EARS2: variants seen among roughly 807,000 people sequenced by gnomAD.
EARS2 encodes nondiscriminating glutamyl-tRNA synthetase EARS2, mitochondrial.
Under a neutral mutation model 54.1 loss-of-function variants are expected in EARS2, and 50 were observed. The observed-to-expected ratio is 0.92, with a 90% CI of 0.74 to 1.17. The LOEUF (loss-of-function observed/expected upper bound fraction) is 1.17. Ranked by LOEUF, EARS2 falls within the 50% of genes most tolerant of loss-of-function variation. EARS2 has a pLI of 0.00. For synonymous variants in EARS2, 298 were observed against 281.0 expected (o/e 1.06, Z -0.61); for missense variants, 673 against 675.0 (o/e 1.00, Z 0.03).
At position 23,521,889 on chromosome 16, in the gene EARS2, T is replaced by C; in HGVS notation, c.*2482A>G. On this transcript the variant is annotated 3_prime_UTR_variant, in exon 9 of 9. Transcript: ENST00000449606. Reference sequence around the variant, plus strand: ...GTAGATCAGAGTTAAGCTTGGACTCTGGATCGGCACAGATCTGAGTTTAAA... The same window carrying C: ...GTAGATCAGAGTTAAGCTTGGACTCCGGATCGGCACAGATCTGAGTTTAAA... 2.2e-6 allele frequency: 1 copy of C among 455,842 alleles called. No homozygotes were observed. Among genetic ancestry groups the C allele is most frequent in the South Asian group, 1.5e-5 (1 of 64,550 alleles). 28.2% of individuals were successfully genotyped at this position (455,842 alleles called of 1,614,324 possible).
chr16:23,542,318 T>TTTC (rs947993613), intron 3 of EARS2, among the ~76,000 whole-genome samples: 14 of 84,246 alleles, frequency 1.7e-4, no homozygotes, highest in East Asian at 4.3e-4. Flanking sequence ...TCATTTTTCT[T>TTTC]TTTTTTTTTT....
intron 1 of EARS2, among the ~76,000 whole-genome samples, chr16:23,555,716 T>C (rs1037890936): frequency 6.6e-6 from 1 of 152,104 alleles, no homozygotes; most frequent in Non-Finnish European, 1.5e-5. Context: ...TGAGATGGAG[T>C]CTCACTCTGT....
chr16:23,549,886 T>C (rs1204538117), intron 2 of EARS2, among the ~76,000 whole-genome samples: 1 of 152,206 alleles, frequency 6.6e-6, no homozygotes, highest in Non-Finnish European at 1.5e-5. Flanking sequence ...CTATTCTTTT[T>C]GCTTTGAACA....
At chr16:23,528,875 C>T (rs962523210) in intron 7 of EARS2, among the ~76,000 whole-genome samples, 6 of 152,238 alleles carry the variant, frequency 3.9e-5, no homozygotes, top group Admixed American at 1.3e-4. Context: ...CCACAAAGGA[C>T]ATGCGCTGTC....
At position 23,521,991 on chromosome 16, in the gene EARS2, GAA is replaced by G; in HGVS notation, c.*2378_*2379del. The G allele has an allele frequency of 3.4e-6, 1 of 294,060 alleles. No homozygotes were observed. Among genetic ancestry groups the G allele is most frequent in the Non-Finnish European group, 6.8e-6 (1 of 146,582 alleles). 18.2% of individuals were successfully genotyped at this position (294,060 alleles called of 1,614,324 possible). A position where few individuals can be genotyped will look rare whatever the true frequency, so the allele number is the denominator to read the frequency against. ...AACCTCGGTTTCCATATCTGTAACA[GAA>G]AAAAAAAATACTGCTTCTCTCATAG... On this transcript the variant is annotated 3_prime_UTR_variant, in exon 9 of 9. Transcript: ENST00000449606.
At chr16:23,542,909 G>A (rs956339211) in intron 3 of EARS2, among the ~76,000 whole-genome samples, 1 of 151,922 alleles carries the variant, frequency 6.6e-6, no homozygotes, top group Non-Finnish European at 1.5e-5. Context: ...GAGTTCAGGA[G>A]TTTGAGAACA....
At chr16:23,537,125 CA>C in intron 3 of EARS2, 2 of 240,560 alleles carry the variant, frequency 8.3e-6, no homozygotes, top group Non-Finnish European at 1.8e-5. Flanking sequence ...GTGAGTTTGA[CA>C]AAAAGTTAAA....
At chr16:23,537,099 G>T in intron 3 of EARS2, 1 of 266,488 alleles carries the variant, frequency 3.8e-6, no homozygotes, top group Non-Finnish European at 8.2e-6. Flanking sequence ...AAGCTCTTCT[G>T]GCAGGAATTC....
intron 8 of EARS2, 127 bp from the exon 9 acceptor site, chr16:23,524,581 G>C: frequency 1.3e-6 from 1 of 772,722 alleles, no homozygotes; most frequent in Non-Finnish European, 2.2e-6. Context: ...CTGAGGATCA[G>C]TGCTTGTGTT....
chr16:23,536,682 CTTTTTTT>C (rs953231916), intron 3 of EARS2, among the ~76,000 whole-genome samples: 11 of 113,490 alleles, frequency 9.7e-5, no homozygotes, highest in Non-Finnish European at 1.3e-4. Flanking sequence ...CTTTTTTTTT[CTTTTTTT>C]TTTTTTTTTT....
intron 3 of EARS2, among the ~76,000 whole-genome samples, chr16:23,536,267 G>T (rs768946206): frequency 2.6e-5 from 4 of 152,154 alleles, no homozygotes; most frequent in Non-Finnish European, 5.9e-5. Flanking sequence ...TGGAATGCTT[G>T]TAAGGTTAGT....
intron 7 of EARS2, 32 bp downstream of exon 7, chr16:23,529,470 T>A (rs1965284641): frequency 6.2e-7 from 1 of 1,606,386 alleles, no homozygotes; most frequent in Admixed American, 1.7e-5. Flanking sequence ...AAGGAGGGTG[T>A]GGAACCCTGA....
chr16:23,535,872 G>C (rs545644915), intron 3 of EARS2, among the ~76,000 whole-genome samples: 13 of 152,342 alleles, frequency 8.5e-5, no homozygotes, highest in African/African-American at 3.1e-4. Context: ...TGTCCTGTAA[G>C]GGGAGCATGC....
chr16:23,551,844 CG>C (rs1439868788), intron 2 of EARS2, among the ~76,000 whole-genome samples: 1 of 152,104 alleles, frequency 6.6e-6, no homozygotes, highest in African/African-American at 2.4e-5. Context: ...GGCGTGAACC[CG>C]GAAGGCGGAG....
chr16:23,550,433 G>A (rs1489597896), intron 2 of EARS2, among the ~76,000 whole-genome samples: 1 of 108,030 alleles, frequency 9.3e-6, no homozygotes, highest in African/African-American at 3.4e-5. Flanking sequence ...TAAGCACATG[G>A]TCTTTTTTTT....
rs1159848265 is a variant in EARS2, at chr16:23,523,331, C to G, written c.*1040G>C. 1 of 152,080 alleles carries G rather than the reference C, an allele frequency of 6.6e-6. No individual in the cohort carries two copies. Among genetic ancestry groups the G allele is most frequent in the African/African-American group, 2.4e-5 (1 of 41,398 alleles). 9.4% of individuals were successfully genotyped at this position (152,080 alleles called of 1,614,324 possible). A position where few individuals can be genotyped will look rare whatever the true frequency, so the allele number is the denominator to read the frequency against. Reference sequence around the variant, plus strand: ...CCAGCAGAGATGATGACTTATAAGTCATGGAGGAAGGACGAGGTGGATTTG... The same window carrying G: ...CCAGCAGAGATGATGACTTATAAGTGATGGAGGAAGGACGAGGTGGATTTG... On this transcript the variant is annotated 3_prime_UTR_variant, in exon 9 of 9. Coordinates refer to ENST00000449606, the MANE Select transcript of EARS2 (RefSeq NM_001083614.2).
intron 7 of EARS2, 136 bp from the exon 8 acceptor site, chr16:23,525,515 A>G: frequency 9.6e-7 from 1 of 1,037,122 alleles, no homozygotes; most frequent in Non-Finnish European, 1.4e-6. Context: ...GAGGGAGGTG[A>G]GGAAGATATT....
chr16:23,557,000 C>T, intron 1 of EARS2: 1 of 816,092 alleles, frequency 1.2e-6, no homozygotes, highest in Non-Finnish European at 2.0e-6. Context: ...TGGGATGGCA[C>T]AAAAAACACA....
intron 5 of EARS2, among the ~76,000 whole-genome samples, chr16:23,530,961 G>A (rs1035997877): frequency 1.6e-4 from 24 of 151,454 alleles, no homozygotes; most frequent in African/African-American, 4.6e-4. Context: ...GTGTGATTTC[G>A]GCTCACTGCA....
Sources: allele counts gnomAD v4.1 joint callset (sites outside exome capture counted in the v4.1 genomes callset), GRCh38; gene constraint gnomAD v4.1.1; transcripts MANE v1.5; gene names NCBI Gene and HGNC (gene_info 2026-07-23, HGNC 2026-07-21).